The following MYOF variants were observed in gnomAD, a reference collection of about 807,000 sequenced individuals.
MYOF encodes fer-1-like 3, myoferlin.
Under a neutral mutation model 284.2 loss-of-function variants are expected in MYOF, and 244 were observed. The ratio of observed to expected loss-of-function variants is 0.86; its 90% CI spans 0.77 to 0.95. The LOEUF (loss-of-function observed/expected upper bound fraction) is 0.95. MYOF is among the 40% of genes least tolerant of loss of function. The pLI is 0.00. For missense variants in MYOF, 2,496 were observed against 2,560.6 expected, an observed-to-expected ratio of 0.97 and a Z score of 0.54; for synonymous variants, 904 against 919.7, an observed-to-expected ratio of 0.98 and a Z score of 0.31.
At chr10:93,383,627 A>G (rs1846226189) in intron 19 of MYOF, among the ~76,000 whole-genome samples, 1 of 152,236 alleles carries the variant, frequency 6.6e-6, no homozygotes, top group Non-Finnish European at 1.5e-5. Context: ...GAATTGTGTC[A>G]AAATGAAAAA....
intron 13 of MYOF, among the ~76,000 whole-genome samples, chr10:93,398,736 G>A (rs771700667): frequency 2.0e-5 from 3 of 151,758 alleles, no homozygotes; most frequent in South Asian, 2.1e-4. Context: ...GTGGTTTGCC[G>A]AATCTTGCTT....
chr10:93,463,394 ATTTTTTT>A (rs1554872325), intron 1 of MYOF, among the ~76,000 whole-genome samples: 1 of 78,936 alleles, frequency 1.3e-5, no homozygotes, highest in African/African-American at 4.8e-5. Flanking sequence ...GTCTCTACAA[ATTTTTTT>A]TTTTTTTTTT....
chr10:93,473,996 C>T (rs372839017), intron 1 of MYOF, among the ~76,000 whole-genome samples: 34 of 152,282 alleles, frequency 2.2e-4, no homozygotes, highest in Admixed American at 3.9e-4. Flanking sequence ...GCCCTGCACT[C>T]GCCCACAGGG....
intron 46 of MYOF, among the ~76,000 whole-genome samples, chr10:93,324,754 T>C (rs1440677322): frequency 6.6e-6 from 1 of 152,106 alleles, no homozygotes; most frequent in Non-Finnish European, 1.5e-5. Context: ...GTCAACAATA[T>C]TTGCATCCAT....
chr10:93,329,636 T>G, intron 44 of MYOF, 28 bp downstream of exon 44: 2 of 1,611,780 alleles, frequency 1.2e-6, no homozygotes, highest in South Asian at 1.1e-5. Flanking sequence ...GGCAGCAAAG[T>G]GCCTCTTGTA....
Position 93,452,973 on chromosome 10 carries a change from T to G in MYOF, c.145-832A>C, listed in dbSNP as rs184695859. Among the ~76,000 whole-genome samples, 190 of 152,220 alleles carry G rather than the reference T, an allele frequency of 1.2e-3. 2 individuals are homozygous for G. The highest frequency in any genetic ancestry group is 6.8e-3 in the Middle Eastern group (2 of 294). On this transcript the variant is annotated intron_variant, in intron 2 of 53. Transcript: ENST00000359263. Reference sequence around the variant, plus strand: ...AATGACAAAAGTAAAAAAAAAAGATTGATAAAGCGTCACTGATGCCTTTGA... The same window carrying G: ...AATGACAAAAGTAAAAAAAAAAGATGGATAAAGCGTCACTGATGCCTTTGA...
chr10:93,349,460 G>T (rs1844398570), intron 36 of MYOF, among the ~76,000 whole-genome samples: 1 of 152,202 alleles, frequency 6.6e-6, no homozygotes, highest in Non-Finnish European at 1.5e-5. Flanking sequence ...ATGCACAGTT[G>T]TAGGGGGTAT....
intron 39 of MYOF, among the ~76,000 whole-genome samples, chr10:93,338,802 G>A (rs1843733493): frequency 6.6e-6 from 1 of 152,038 alleles, no homozygotes; most frequent in Non-Finnish European, 1.5e-5. Context: ...GGGACAGCAT[G>A]TCAGAGTCAC....
In MYOF at chr10:93,369,626, G is replaced by A. The variant is rs183683991; in HGVS notation, c.2589+19C>T. 3.3e-4 allele frequency: 538 copies of A among 1,613,684 alleles called. No individual in the cohort carries two copies. In the African/African-American group the frequency reaches 6.2e-3, roughly 19 times the overall value. The stretch of plus-strand genomic sequence containing the variant: ...TCCCCCGACCAAAGAAGAAAAGATA[G>A]TGAAATCATTAAAGGTACCATTTCA... On this transcript the variant is annotated intron_variant, in intron 25 of 53. Transcript: ENST00000359263.
intron 1 of MYOF, among the ~76,000 whole-genome samples, chr10:93,461,105 A>C (rs2056870501): frequency 6.6e-6 from 1 of 152,132 alleles, no homozygotes. Context: ...AGAAAAGAAA[A>C]GAAAAGAAAT....
intron 7 of MYOF, among the ~76,000 whole-genome samples, chr10:93,405,968 TTTG>T (rs1395477265): frequency 1.3e-5 from 2 of 151,386 alleles, no homozygotes; most frequent in Non-Finnish European, 2.9e-5. Flanking sequence ...AGGCTAATTT[TTTG>T]TTGTGAGACA....
chr10:93,388,894 A>G, intron 18 of MYOF, 136 bp downstream of exon 18: 1 of 1,186,368 alleles, frequency 8.4e-7, no homozygotes, highest in Non-Finnish European at 1.1e-6. Flanking sequence ...TGATCTCCAC[A>G]GTCTTTTCCT....
intron 28 of MYOF, 84 bp downstream of exon 28, chr10:93,361,368 C>T: frequency 7.6e-7 from 1 of 1,318,026 alleles, no homozygotes; most frequent in Non-Finnish European, 1.1e-6. Context: ...AGAAGTGAGG[C>T]CCCTCCCTCC....
chr10:93,311,641 C>T lies in MYOF; in HGVS notation c.5890-998G>A, dbSNP rs557240433. 6.0e-5 allele frequency among the ~76,000 whole-genome samples: 9 copies of T among 151,230 alleles called. No homozygotes were observed. The South Asian group carries it at 1.9e-3, about 32-fold the overall frequency. ...TGCCCACTTTTATAGTGAGCCATAC[C>T]TAAGATTGTAACAGACTTTGTAACA... On this transcript the variant is annotated intron_variant, in intron 51 of 53. Transcript: ENST00000359263.
At chr10:93,331,854 C>T (rs529908322) in intron 43 of MYOF, among the ~76,000 whole-genome samples, 129 of 152,246 alleles carry the variant, frequency 8.5e-4, no homozygotes, top group Admixed American at 1.8e-3. Context: ...ATATATGCCA[C>T]GCAGCAAATA....
At chr10:93,448,321 C>T (rs2056494318) in intron 3 of MYOF, among the ~76,000 whole-genome samples, 1 of 151,982 alleles carries the variant, frequency 6.6e-6, no homozygotes. Context: ...ACCTTATCAC[C>T]ACCTCACATA....
chr10:93,308,859 G>A lies in MYOF; in HGVS notation c.6147+1161C>T, dbSNP rs890303963. On this transcript the variant is annotated intron_variant, in intron 53 of 53. Coordinates refer to ENST00000359263, the MANE Select transcript of MYOF (RefSeq NM_013451.4). ...CCCTAGTAGCTGGGATTACAGGCAT[G>A]TGCCACCACACCCAACTAATTTTTG... Among the ~76,000 whole-genome samples the A allele has an allele frequency of 5.3e-5, 8 of 152,084 alleles. No individual in the cohort carries two copies. In the East Asian group the frequency reaches 7.8e-4, roughly 15 times the overall value.
intron 13 of MYOF, among the ~76,000 whole-genome samples, chr10:93,398,241 C>G (rs1564683609): frequency 6.6e-6 from 1 of 152,140 alleles, no homozygotes; most frequent in Non-Finnish European, 1.5e-5. Flanking sequence ...CGCCCTTCTC[C>G]CTGCCTGGAT....
chr10:93,469,949 C>T (rs569809045), intron 1 of MYOF, among the ~76,000 whole-genome samples: 36 of 152,164 alleles, frequency 2.4e-4, no homozygotes, highest in Non-Finnish European at 4.9e-4. Flanking sequence ...AAGGAGTAGG[C>T]CGGGCGCAGT....
Sources: allele counts gnomAD v4.1 joint callset (sites outside exome capture counted in the v4.1 genomes callset), GRCh38; gene constraint gnomAD v4.1.1; transcripts MANE v1.5; gene names NCBI Gene and HGNC (gene_info 2026-07-23, HGNC 2026-07-21).